Variants in PCSK2 observed in about 807,000 individuals in gnomAD.
PCSK2 encodes the protein neuroendocrine convertase 2.
A neutral mutation model predicts 69.7 loss-of-function variants in PCSK2; 14 were observed. The observed-to-expected ratio is 0.20, with a 90% CI of 0.13 to 0.31. The LOEUF is 0.31. PCSK2 is among the 10% of genes least tolerant of loss of function. The pLI, the probability that PCSK2 is intolerant of heterozygous loss-of-function variation, is 1.00. For synonymous variants in PCSK2, 307 were observed against 320.7 expected (o/e 0.96, Z 0.46); for missense variants, 544 against 842.5 (o/e 0.65, Z 4.39).
intron 11 of PCSK2, among the ~76,000 whole-genome samples, chr20:17,471,097 G>A (rs2033192955): frequency 6.6e-6 from 1 of 152,170 alleles, no homozygotes; most frequent in South Asian, 2.1e-4. Flanking sequence ...ATATGATTAT[G>A]AGAGAGGGCA....
At chr20:17,247,314 C>A (rs948782981) in intron 1 of PCSK2, among the ~76,000 whole-genome samples, 2 of 152,166 alleles carry the variant, frequency 1.3e-5, no homozygotes, top group African/African-American at 4.8e-5. Flanking sequence ...AAATGCAGAG[C>A]TTATCCCTGT....
intron 1 of PCSK2, among the ~76,000 whole-genome samples, chr20:17,240,061 C>T (rs756254733): frequency 8.6e-5 from 13 of 151,690 alleles, no homozygotes; most frequent in Non-Finnish European, 1.8e-4. Flanking sequence ...ACCATGTTGG[C>T]CAGGATGGTC....
chr20:17,440,861 TCAA>T (rs2032580164), intron 8 of PCSK2, among the ~76,000 whole-genome samples: 1 of 103,320 alleles, frequency 9.7e-6, no homozygotes, highest in Non-Finnish European at 1.9e-5. Flanking sequence ...AAACTCTATC[TCAA>T]AAAAAAAAAA....
chr20:17,380,405 G>C (rs548447887), intron 5 of PCSK2, among the ~76,000 whole-genome samples: 1 of 152,234 alleles, frequency 6.6e-6, no homozygotes, highest in African/African-American at 2.4e-5. Flanking sequence ...TGCAATGAGA[G>C]GCTCAGAGAA....
At chr20:17,413,610 A>G (rs2031928690) in intron 6 of PCSK2, among the ~76,000 whole-genome samples, 1 of 152,216 alleles carries the variant, frequency 6.6e-6, no homozygotes. Flanking sequence ...CACTGTCAAT[A>G]TTAGACAGAT....
intron 2 of PCSK2, among the ~76,000 whole-genome samples, chr20:17,332,440 T>G (rs1990229792): frequency 6.6e-6 from 1 of 152,092 alleles, no homozygotes; most frequent in African/African-American, 2.4e-5. Flanking sequence ...CAAGTGGAGT[T>G]GAAAATAGGG....
chr20:17,245,612 G>C (rs536534597), intron 1 of PCSK2, among the ~76,000 whole-genome samples: 2 of 152,260 alleles, frequency 1.3e-5, no homozygotes, highest in East Asian at 1.9e-4. Flanking sequence ...GAGAATGCTA[G>C]CCTCATCTGT....
At chr20:17,254,982 T>C (rs1177003012) in intron 1 of PCSK2, among the ~76,000 whole-genome samples, 1 of 152,254 alleles carries the variant, frequency 6.6e-6, no homozygotes, top group East Asian at 1.9e-4. Context: ...TCATTGCTTG[T>C]GTATAGAAAT....
intron 1 of PCSK2, among the ~76,000 whole-genome samples, chr20:17,240,068 G>C (rs554106715): frequency 6.6e-6 from 1 of 151,778 alleles, no homozygotes; most frequent in African/African-American, 2.4e-5. Context: ...TGGCCAGGAT[G>C]GTCTCGATCT....
intron 2 of PCSK2, among the ~76,000 whole-genome samples, chr20:17,262,440 C>A (rs1347145138): frequency 6.8e-6 from 1 of 146,392 alleles, no homozygotes; most frequent in African/African-American, 2.5e-5. Flanking sequence ...AAATAAAGCA[C>A]AAAAATCTCA....
rs2032492543 is a variant in PCSK2 at position 17,436,821 on chromosome 20, G to A, written c.823G>A (p.Gly275Ser). 7 of 1,613,890 alleles carry A rather than the reference G, an allele frequency of 4.3e-6. No homozygotes were observed. Among genetic ancestry groups the A allele is most frequent in the Non-Finnish European group, 8.5e-7 (1 of 1,180,040 alleles). The change falls in exon 8 of 12, where the codon GGC becomes AGC. Residue 275 changes from glycine to serine, a missense_variant. Gly to Ser is a moderately conservative substitution (Grantham distance 56). This residue lies in a region of PCSK2 where 187 missense variants were observed against 399.8 expected (regional missense o/e 0.47). Coordinates refer to ENST00000262545, the MANE Select transcript of PCSK2 (RefSeq NM_002594.5). ...CGCCAGCTGGGGCCCCACAGACAAC[G>A]GCAAGACAGTGGATGGGCCCCGGGA... Reference protein sequence around the residue: ...YSASWGPTDNGKTVDGPRELT... With the variant: ...YSASWGPTDNSKTVDGPRELT...
At chr20:17,445,699 G>A (rs2032684845) in intron 8 of PCSK2, among the ~76,000 whole-genome samples, 1 of 152,190 alleles carries the variant, frequency 6.6e-6, no homozygotes, top group Non-Finnish European at 1.5e-5. Context: ...CGAGTGCCAG[G>A]GCCTCTGGCA....
intron 5 of PCSK2, among the ~76,000 whole-genome samples, chr20:17,385,892 A>G (rs1221262688): frequency 1.3e-5 from 2 of 152,226 alleles, no homozygotes; most frequent in Non-Finnish European, 2.9e-5. Context: ...ACTCTTATCC[A>G]TCATTGGTTG....
At chr20:17,268,033 G>GTATATATATATATATATATATATA (rs753655282) in intron 2 of PCSK2, among the ~76,000 whole-genome samples, 32 of 66,238 alleles carry the variant, frequency 4.8e-4, no homozygotes, top group Non-Finnish European at 7.6e-4. Context: ...TATCCAATGT[G>GTATATATATATATATATATATATA]TATATATATA....
intron 2 of PCSK2, among the ~76,000 whole-genome samples, chr20:17,290,795 AG>A (rs1056126109): frequency 2.0e-5 from 3 of 152,202 alleles, no homozygotes; most frequent in African/African-American, 7.2e-5. Context: ...ACAGCTCTGG[AG>A]GCTTGGAAGT....
At chr20:17,269,541 G>A (rs537212577) in intron 2 of PCSK2, among the ~76,000 whole-genome samples, 267 of 152,090 alleles carry the variant, frequency 1.8e-3, no homozygotes, top group South Asian at 4.8e-3. Flanking sequence ...TTTTTCAAAC[G>A]CTTTCTCAAC....
At chr20:17,290,444 A>G (rs1988660188) in intron 2 of PCSK2, among the ~76,000 whole-genome samples, 1 of 152,138 alleles carries the variant, frequency 6.6e-6, no homozygotes, top group Admixed American at 6.5e-5. Context: ...AATTATCACC[A>G]TGTGCCCAGC....
intron 2 of PCSK2, among the ~76,000 whole-genome samples, chr20:17,307,880 G>C (rs911663871): frequency 6.6e-6 from 1 of 152,154 alleles, no homozygotes. Context: ...GGTTTAATTG[G>C]CTCATGGTTC....
At chr20:17,420,622 A>C (rs1265187027) in intron 6 of PCSK2, among the ~76,000 whole-genome samples, 1 of 152,234 alleles carries the variant, frequency 6.6e-6, no homozygotes, top group Non-Finnish European at 1.5e-5. Context: ...AGAAAGACCT[A>C]TATTTGGGTA....
Sources: allele counts gnomAD v4.1 joint callset (sites outside exome capture counted in the v4.1 genomes callset), GRCh38; gene constraint gnomAD v4.1.1; regional missense constraint gnomAD v4.1.1; transcripts MANE v1.5; gene names NCBI Gene and HGNC (gene_info 2026-07-23, HGNC 2026-07-21).